GRM8: variants seen among roughly 807,000 people sequenced by gnomAD.
The protein encoded by GRM8 is glutamate metabotropic receptor 8.
Under a neutral mutation model 87.2 loss-of-function variants are expected in GRM8, and 47 were observed. The ratio of observed to expected loss-of-function variants is 0.54; its 90% CI spans 0.43 to 0.69. The LOEUF is 0.69. Ranked by LOEUF, GRM8 falls within the 30% of genes least tolerant of loss-of-function variation. The pLI is 0.00. For missense variants in GRM8, 1,019 were observed against 1,139.2 expected (o/e 0.89, Z 1.52); for synonymous variants, 396 against 404.5 (o/e 0.98, Z 0.25).
intron 3 of GRM8, among the ~76,000 whole-genome samples, chr7:126,928,444 G>T (rs1563325095): frequency 6.6e-6 from 1 of 151,990 alleles, no homozygotes; most frequent in South Asian, 2.1e-4. Flanking sequence ...GGCCAAGATG[G>T]GTGGATGGCT....
chr7:126,958,061 C>T (rs1365183389), intron 3 of GRM8, among the ~76,000 whole-genome samples: 2 of 152,114 alleles, frequency 1.3e-5, no homozygotes, highest in Non-Finnish European at 2.9e-5. Flanking sequence ...CTTGGTGTCT[C>T]GGGTCTCAGG....
intron 9 of GRM8, among the ~76,000 whole-genome samples, chr7:126,492,436 GTTA>G (rs1409174258): frequency 6.6e-6 from 1 of 151,980 alleles, no homozygotes; most frequent in African/African-American, 2.4e-5. Context: ...TGAGTACAGT[GTTA>G]TTATTCACAC....
chr7:127,249,573 C>A (rs1185653453), intron 1 of GRM8, among the ~76,000 whole-genome samples: 3 of 152,058 alleles, frequency 2.0e-5, no homozygotes, highest in Non-Finnish European at 2.9e-5. Flanking sequence ...TGGGATGAGA[C>A]AATATTATGC....
intron 7 of GRM8, among the ~76,000 whole-genome samples, chr7:126,753,372 G>T (rs776667148): frequency 1.4e-5 from 2 of 143,440 alleles, no homozygotes; most frequent in African/African-American, 2.5e-5. Flanking sequence ...CAGAATATAC[G>T]CACGCACACA....
intron 7 of GRM8, among the ~76,000 whole-genome samples, chr7:126,694,230 A>C (rs1222421100): frequency 6.6e-6 from 1 of 152,146 alleles, no homozygotes; most frequent in Non-Finnish European, 1.5e-5. Context: ...TACAGATTAG[A>C]CATGCACCAT....
intron 2 of GRM8, among the ~76,000 whole-genome samples, chr7:127,208,390 T>C (rs1796031717): frequency 6.6e-6 from 1 of 152,176 alleles, no homozygotes; most frequent in African/African-American, 2.4e-5. Flanking sequence ...AAAGTGTCTG[T>C]TAATAGCCTC....
intron 7 of GRM8, among the ~76,000 whole-genome samples, chr7:126,725,224 T>C (rs1353528377): frequency 1.3e-5 from 2 of 152,208 alleles, no homozygotes; most frequent in Non-Finnish European, 2.9e-5. Flanking sequence ...CACTTTTAAC[T>C]TAGATTGTGA....
intron 3 of GRM8, among the ~76,000 whole-genome samples, chr7:126,937,505 C>T (rs549201135): frequency 5.3e-5 from 8 of 152,252 alleles, no homozygotes; most frequent in Non-Finnish European, 1.2e-4. Context: ...AGGAGGGAAG[C>T]TACCAATGAG....
intron 8 of GRM8, among the ~76,000 whole-genome samples, chr7:126,565,240 G>A (rs1462855223): frequency 1.3e-5 from 2 of 152,066 alleles, no homozygotes; most frequent in African/African-American, 4.8e-5. Context: ...AAATTGGAAA[G>A]AAGCAAAATT....
intron 6 of GRM8, among the ~76,000 whole-genome samples, chr7:126,875,770 A>G (rs1799479114): frequency 6.6e-6 from 1 of 151,976 alleles, no homozygotes; most frequent in South Asian, 2.1e-4. Flanking sequence ...TAATGTATTA[A>G]GTTTTTAATG....
chr7:126,798,641 G>A (rs972656346), intron 6 of GRM8, among the ~76,000 whole-genome samples: 1 of 152,138 alleles, frequency 6.6e-6, no homozygotes, highest in African/African-American at 2.4e-5. Context: ...CTAGTAGCGG[G>A]CCTTTGTAGA....
intron 7 of GRM8, among the ~76,000 whole-genome samples, chr7:126,667,395 C>T (rs895787718): frequency 7.2e-5 from 11 of 152,182 alleles, no homozygotes; most frequent in Non-Finnish European, 1.3e-4. Context: ...TTGAAGCTTA[C>T]AGAAATACAC....
At chr7:126,658,174 A>G (rs1306571871) in intron 7 of GRM8, among the ~76,000 whole-genome samples, 1 of 152,246 alleles carries the variant, frequency 6.6e-6, no homozygotes, top group Non-Finnish European at 1.5e-5. Context: ...AGTTGATGGC[A>G]TAACATATGC....
chr7:127,120,028 A>G (rs906019200), intron 2 of GRM8, among the ~76,000 whole-genome samples: 2 of 152,208 alleles, frequency 1.3e-5, no homozygotes, highest in African/African-American at 4.8e-5. Flanking sequence ...TCTCAAAATG[A>G]CATGCCCAAA....
At chr7:126,755,174 G>C (rs1487386175) in intron 7 of GRM8, among the ~76,000 whole-genome samples, 2 of 152,106 alleles carry the variant, frequency 1.3e-5, no homozygotes, top group African/African-American at 4.8e-5. Context: ...TTGTGCCTAT[G>C]CACATAGACT....
intron 2 of GRM8, among the ~76,000 whole-genome samples, chr7:127,153,052 G>A (rs1792506174): frequency 6.6e-6 from 1 of 152,030 alleles, no homozygotes; most frequent in South Asian, 2.1e-4. Context: ...TTAGTCACAA[G>A]ACCATAACCC....
chr7:126,592,659 A>G (rs1481673986), intron 8 of GRM8, among the ~76,000 whole-genome samples: 1 of 151,978 alleles, frequency 6.6e-6, no homozygotes, highest in Non-Finnish European at 1.5e-5. Flanking sequence ...GTACATCAAC[A>G]TAATAAAGGC....
intron 7 of GRM8, among the ~76,000 whole-genome samples, chr7:126,709,496 G>GGGA (rs975368783): frequency 1.3e-5 from 2 of 151,758 alleles, no homozygotes; most frequent in African/African-American, 2.4e-5. Context: ...AGAAGGAGGA[G>GGGA]GGAGGAGGAG....
intron 7 of GRM8, among the ~76,000 whole-genome samples, chr7:126,629,694 A>G (rs2151167853): frequency 6.6e-6 from 1 of 152,280 alleles, no homozygotes. Context: ...TTTATTTATA[A>G]TGGACCTGAT....
Sources: allele counts gnomAD v4.1 joint callset (sites outside exome capture counted in the v4.1 genomes callset), GRCh38; gene constraint gnomAD v4.1.1; transcripts MANE v1.5; gene names NCBI Gene and HGNC (gene_info 2026-07-23, HGNC 2026-07-21).